Variants in HORMAD2 observed in about 807,000 individuals in gnomAD.
The protein encoded by HORMAD2 is HORMA domain containing 2, also known as HORMA domain-containing protein 2.
Under a neutral mutation model 38.8 loss-of-function variants are expected in HORMAD2, and 45 were observed. The ratio of observed to expected loss-of-function variants is 1.16; its 90% CI spans 0.91 to 1.49. The LOEUF is 1.49. HORMAD2 is among the 40% of genes most tolerant of loss of function. The pLI is 0.00. For synonymous variants in HORMAD2, 126 were observed against 122.8 expected, an observed-to-expected ratio of 1.03 and a Z score of -0.17; for missense variants, 338 against 367.0, an observed-to-expected ratio of 0.92 and a Z score of 0.65.
At chr22:30,122,302 G>A in intron 10 of HORMAD2, 88 bp downstream of exon 10, 2 of 1,261,994 alleles carry the variant, frequency 1.6e-6, no homozygotes, top group Non-Finnish European at 2.1e-6. Context: ...CACGTGGAGT[G>A]TGCCAGCTAT....
At chr22:30,150,099 A>G (rs1924655681) in intron 10 of HORMAD2, among the ~76,000 whole-genome samples, 1 of 151,942 alleles carries the variant, frequency 6.6e-6, no homozygotes, top group African/African-American at 2.4e-5. Flanking sequence ...ACTTTCTTCA[A>G]TTATTTCCTT....
At chr22:30,133,480 A>G (rs989372290) in intron 10 of HORMAD2, among the ~76,000 whole-genome samples, 1 of 148,942 alleles carries the variant, frequency 6.7e-6, no homozygotes, top group East Asian at 1.9e-4. Flanking sequence ...TATATATAAT[A>G]TATTTATTTA....
chr22:30,206,149 G>A, the HORMAD2 span, among the ~76,000 whole-genome samples: 3 of 152,008 alleles, frequency 2.0e-5, no homozygotes, highest in African/African-American at 4.8e-5. Flanking sequence ...TGAGGACACC[G>A]AGACCCAGAG....
intron 1 of HORMAD2, among the ~76,000 whole-genome samples, chr22:30,088,883 C>A (rs1241156299): frequency 6.6e-6 from 1 of 151,904 alleles, no homozygotes; most frequent in African/African-American, 2.4e-5. Flanking sequence ...ACTCTTAGAG[C>A]TACTTTGTTT....
chr22:30,137,968 A>G (rs984143533), intron 10 of HORMAD2, among the ~76,000 whole-genome samples: 1 of 152,172 alleles, frequency 6.6e-6, no homozygotes, highest in Non-Finnish European at 1.5e-5. Flanking sequence ...GTGTTTAATC[A>G]TTTGGAGAAC....
chr22:30,146,094 T>C (rs12159143), intron 10 of HORMAD2, among the ~76,000 whole-genome samples: 31 of 152,370 alleles, frequency 2.0e-4, no homozygotes, highest in African/African-American at 7.2e-4. Context: ...TTAGTCCATG[T>C]AATTCCCCAT....
At chr22:30,166,067 C>T (rs902567663) in intron 10 of HORMAD2, among the ~76,000 whole-genome samples, 2 of 150,310 alleles carry the variant, frequency 1.3e-5, no homozygotes, top group African/African-American at 4.9e-5. Context: ...AAGGTTTTCC[C>T]ATATATTTTC....
intron 3 of HORMAD2, among the ~76,000 whole-genome samples, chr22:30,103,234 A>G (rs1295202272): frequency 6.6e-6 from 1 of 152,200 alleles, no homozygotes; most frequent in Non-Finnish European, 1.5e-5. Context: ...CCTTACTGTA[A>G]TCGAAATTGA....
chr22:30,094,609 G>T (rs550551281), intron 2 of HORMAD2, among the ~76,000 whole-genome samples: 2 of 152,226 alleles, frequency 1.3e-5, no homozygotes, highest in South Asian at 4.1e-4. Flanking sequence ...AATATACAAA[G>T]CGATATATGA....
chr22:30,115,659 T>C (rs1921983329), intron 7 of HORMAD2, among the ~76,000 whole-genome samples: 1 of 152,192 alleles, frequency 6.6e-6, no homozygotes, highest in Admixed American at 6.6e-5. Context: ...CCCTGCTCTC[T>C]AGAAGCCTAC....
At chr22:30,096,671 G>T (rs1312674724) in intron 2 of HORMAD2, among the ~76,000 whole-genome samples, 1 of 152,000 alleles carries the variant, frequency 6.6e-6, no homozygotes, top group Non-Finnish European at 1.5e-5. Context: ...GTTTCACCAT[G>T]TTGGCCAGGC....
chr22:30,126,329 G>A (rs188348841), intron 10 of HORMAD2, among the ~76,000 whole-genome samples: 9 of 151,968 alleles, frequency 5.9e-5, no homozygotes, highest in South Asian at 4.2e-4. Context: ...CCACCACACC[G>A]CCTAATTTTT....
chr22:30,159,919 C>T (rs1337480163), intron 10 of HORMAD2, among the ~76,000 whole-genome samples: 2 of 152,070 alleles, frequency 1.3e-5, no homozygotes, highest in African/African-American at 4.8e-5. Flanking sequence ...GGCATTCTCC[C>T]AGCTCTAAGT....
chr22:30,194,592 C>A, the HORMAD2 span, among the ~76,000 whole-genome samples: 2 of 152,164 alleles, frequency 1.3e-5, no homozygotes, highest in Non-Finnish European at 2.9e-5. Flanking sequence ...TGGCCACCCA[C>A]TTATGAGATG....
At chr22:30,175,423 C>G (rs538415798) in intron 10 of HORMAD2, among the ~76,000 whole-genome samples, 9 of 149,408 alleles carry the variant, frequency 6.0e-5, no homozygotes, top group African/African-American at 1.7e-4. Context: ...TAAATGTCCT[C>G]TATCTGTTTT....
the HORMAD2 span, among the ~76,000 whole-genome samples, chr22:30,203,252 G>A: frequency 1.4e-3 from 218 of 152,192 alleles, no homozygotes; most frequent in Non-Finnish European, 2.3e-3. Flanking sequence ...AAAATTAGCT[G>A]GGAGTGGCGG....
chr22:30,110,383 CTTTT>C, intron 5 of HORMAD2, among the ~76,000 whole-genome samples: 1 of 103,320 alleles, frequency 9.7e-6, no homozygotes, highest in African/African-American at 4.2e-5. Context: ...TGAGCATATA[CTTTT>C]TTTTTTTTTT....
At chr22:30,108,217 A>T (rs1921350998) in intron 5 of HORMAD2, among the ~76,000 whole-genome samples, 1 of 152,112 alleles carries the variant, frequency 6.6e-6, no homozygotes, top group Non-Finnish European at 1.5e-5. Context: ...TCGCATTCTC[A>T]ATCCCTCACC....
At position 30,122,641 on chromosome 22, in the gene HORMAD2, C is replaced by T. The variant is rs144533733; in HGVS notation, c.819+427C>T. Among the ~76,000 whole-genome samples the T allele has an allele frequency of 1.1e-4, 17 of 152,136 alleles. No homozygotes were observed. In the East Asian group the frequency reaches 2.5e-3, roughly 22 times the overall value. ...AATTTTATGGATAAACCCGAGTCAGCGTGAAAACAAATAATAGTTAACTTC... is the reference window on the plus strand; with the variant it reads ...AATTTTATGGATAAACCCGAGTCAGTGTGAAAACAAATAATAGTTAACTTC... On this transcript the variant is annotated intron_variant, in intron 10 of 10. Coordinates refer to ENST00000336726, the MANE Select transcript of HORMAD2 (RefSeq NM_152510.4).
Sources: gnomAD v4.1 joint callset for allele counts (sites outside exome capture counted in the v4.1 genomes callset) on GRCh38, gnomAD v4.1.1 for gene constraint, MANE v1.5 for transcripts, NCBI Gene and HGNC (gene_info 2026-07-23, HGNC 2026-07-21) for gene names.